DET1: variants seen among roughly 807,000 people sequenced by gnomAD.
The protein encoded by DET1 is DET1 partner of COP1 E3 ubiquitin ligase.
A neutral mutation model predicts 43.7 loss-of-function variants in DET1; 22 were observed. The ratio of observed to expected loss-of-function variants is 0.50; its 90% confidence interval spans 0.36 to 0.72. The LOEUF is 0.72. Among genes scored for constraint, DET1 ranks in the 30% least tolerant of loss-of-function variants. The pLI is 0.00. For synonymous variants in DET1, 315 were observed against 266.2 expected, an observed-to-expected ratio of 1.18 and a Z score of -1.79; for missense variants, 713 against 713.3, an observed-to-expected ratio of 1.00 and a Z score of 0.00.
chr15:88,530,923 A>G lies in DET1; in HGVS notation c.783T>C (p.Tyr261=), dbSNP rs199655221. The change falls in exon 2 of 5, where the codon TAT becomes TAC. Residue 261 remains tyrosine (Y), a synonymous_variant. Transcript: ENST00000268148. ...CTGACACAGTGAGCAGGTCATCCTC[A>G]TAGCAAAAGCGGCCAATGGTCCGCA... ...IDVRTIGRFC[Y]EDDLLTVSAV... 30 of 1,614,032 alleles carry G rather than the reference A, an allele frequency of 1.9e-5. No individual in the cohort carries two copies. In the African/African-American group the frequency reaches 3.3e-4, roughly 18 times the overall value.
chr15:88,527,503 G>T, intron 3 of DET1, 96 bp downstream of exon 3: 1 of 1,167,830 alleles, frequency 8.6e-7, no homozygotes, highest in South Asian at 1.8e-5. Context: ...AAGCTATGTG[G>T]ACAGACAGAA....
At chr15:88,522,331 G>C (rs2056512872) in intron 3 of DET1, among the ~76,000 whole-genome samples, 1 of 151,772 alleles carries the variant, frequency 6.6e-6, no homozygotes, top group Non-Finnish European at 1.5e-5. Context: ...GTTCTCCACT[G>C]CTTCTTCAGG....
At position 88,512,488 on chromosome 15, in the gene DET1, T is replaced by C. The variant is rs930416868; in HGVS notation, c.*463A>G. The C allele has an allele frequency of 1.3e-5, 13 of 986,874 alleles. No homozygotes were observed. The African/African-American group carries it at 2.1e-4, about 16-fold the overall frequency. The allele number at this position is 986,874 out of a possible 1,614,324, so 61.1% of individuals were successfully genotyped here. On this transcript the variant is annotated 3_prime_UTR_variant, in exon 5 of 5. Coordinates refer to ENST00000268148, the MANE Select transcript of DET1 (RefSeq NM_001144074.3). ...TCATCCAACCACATATATTTAAGTA[T>C]GAAAATACCATGGCTTTATTTTTCT...
At chr15:88,510,807 C>T (rs1451018597), downstream of DET1, among the ~76,000 whole-genome samples, 1 of 150,108 alleles carries the variant, frequency 6.7e-6, no homozygotes, top group Non-Finnish European at 1.5e-5. Context: ...GGCTCTGTCC[C>T]CCAGGCTGGC....
chr15:88,508,008 G>A (rs929549458), downstream of DET1, among the ~76,000 whole-genome samples: 2 of 151,280 alleles, frequency 1.3e-5, no homozygotes, highest in East Asian at 2.0e-4. Flanking sequence ...ATTCTCATAA[G>A]AGCGCAAACC....
chr15:88,528,273 T>C (rs1333179448), intron 2 of DET1, among the ~76,000 whole-genome samples: 11 of 152,254 alleles, frequency 7.2e-5, no homozygotes, highest in Non-Finnish European at 1.5e-4. Flanking sequence ...TTATTTTCTC[T>C]TGTAAGTGTA....
intron 3 of DET1, among the ~76,000 whole-genome samples, chr15:88,523,092 T>C (rs1598326572): frequency 1.3e-5 from 2 of 151,802 alleles, no homozygotes. Flanking sequence ...CCCAGGCTGG[T>C]CTTGAACTCC....
chr15:88,538,841 C>G (rs1415780376), intron 1 of DET1, among the ~76,000 whole-genome samples: 1 of 152,212 alleles, frequency 6.6e-6, no homozygotes, highest in African/African-American at 2.4e-5. Flanking sequence ...GAGTCCTCAG[C>G]TTCTCACCCC....
intron 3 of DET1, among the ~76,000 whole-genome samples, chr15:88,523,020 C>T (rs1396623436): frequency 1.3e-5 from 2 of 151,704 alleles, no homozygotes; most frequent in Admixed American, 6.6e-5. Flanking sequence ...GTAGCTGAGC[C>T]GACAGGCGCA....
In DET1 at chr15:88,504,494, T is replaced by C. The variant is rs760709494; in HGVS notation, c.*2066-507A>G. ...CTTATTGCTTGGAATCATTTTTATA[T>C]TATATTAACCATGCCTTTTGTTTTC... On this transcript the variant is annotated intron_variant and NMD_transcript_variant, in intron 7 of 8. Coordinates refer to the DET1 transcript ENST00000557842. The surrounding 1 kb of genome is among the most constrained non-coding windows in gnomAD (Gnocchi z 4.7). The C allele has an allele frequency of 5.9e-5, 9 of 152,186 alleles. No individual in the cohort carries two copies. Among genetic ancestry groups the C allele is most frequent in the African/African-American group, 9.7e-5 (4 of 41,448 alleles). The allele number at this position is 152,186 out of a possible 1,614,324, so 9.4% of individuals were successfully genotyped here. A position where few individuals can be genotyped will look rare whatever the true frequency, so the allele number is the denominator to read the frequency against.
chr15:88,517,018 A>C, intron 3 of DET1, 45 bp from the exon 4 acceptor site: 1 of 1,413,084 alleles, frequency 7.1e-7, no homozygotes, highest in Non-Finnish European at 9.5e-7. Flanking sequence ...GTGAGTACAC[A>C]AAGCTGTCTT....
intron 3 of DET1, among the ~76,000 whole-genome samples, chr15:88,526,664 G>C (rs1017266775): frequency 3.9e-5 from 6 of 152,220 alleles, no homozygotes; most frequent in Non-Finnish European, 7.3e-5. Flanking sequence ...CTACCCTTCA[G>C]TATGTCAACT....
In DET1 at chr15:88,504,972, T is replaced by C. The variant is rs1320273884; in HGVS notation, c.*2066-985A>G. The C allele has an allele frequency of 6.6e-6, 1 of 152,240 alleles. No individual in the cohort carries two copies. The highest frequency in any genetic ancestry group is 2.4e-5 in the African/African-American group (1 of 41,462). The allele number at this position is 152,240 out of a possible 1,614,324, so 9.4% of individuals were successfully genotyped here. ...TTCTTCATGACAGTCATTTCGCGTG[T>C]GCCTTCCCATAGTTGATTAAGACAA... On this transcript the variant is annotated intron_variant and NMD_transcript_variant, in intron 7 of 8. Coordinates refer to the DET1 transcript ENST00000557842. This position sits in a 1 kb window ranked among gnomAD's most constrained non-coding sequence, Gnocchi z 4.7.
chr15:88,510,368 G>T (rs1336131616), downstream of DET1, among the ~76,000 whole-genome samples: 1 of 152,180 alleles, frequency 6.6e-6, no homozygotes, highest in African/African-American at 2.4e-5. Flanking sequence ...ATTGGGACCT[G>T]AGTGACTTCA....
chr15:88,546,577 G>C lies in DET1; in HGVS notation c.-48C>G, dbSNP rs896297773. On this transcript the variant is annotated 5_prime_UTR_variant, in exon 1 of 5. Coordinates refer to ENST00000268148, the MANE Select transcript of DET1 (RefSeq NM_001144074.3). ...GGCTCAAAGAGCCAGGGCGAGGGAT[G>C]CCCCAGCCTGTTCTGTGCGCGCCTC... The C allele has an allele frequency of 2.0e-5, 3 of 152,444 alleles. No homozygotes were observed. Among genetic ancestry groups the C allele is most frequent in the African/African-American group, 4.8e-5 (2 of 41,476 alleles). The allele number at this position is 152,444 out of a possible 1,614,324, so 9.4% of individuals were successfully genotyped here.
Position 88,536,770 on chromosome 15 carries a change from CAAA to C in DET1, c.-10-5058_-10-5056del, listed in dbSNP as rs58177778. Among the ~76,000 whole-genome samples, 29 of 48,066 alleles carry C rather than the reference CAAA, an allele frequency of 6.0e-4. 1 individual carries two copies. The South Asian group carries it at 0.011, about 17-fold the overall frequency. 31.5% of individuals were successfully genotyped at this position (48,066 alleles called of 152,430 possible). On this transcript the variant is annotated intron_variant, in intron 1 of 4. Coordinates refer to ENST00000268148, the MANE Select transcript of DET1 (RefSeq NM_001144074.3). ...TGGGCAACAGAGCAAGACTCCATCTCAAAAAAAAAAAAAAAAAAAGGAACAAAC... is the reference window on the plus strand; with the variant it reads ...TGGGCAACAGAGCAAGACTCCATCTCAAAAAAAAAAAAAAAAGGAACAAAC...
intron 1 of DET1, among the ~76,000 whole-genome samples, chr15:88,538,319 C>G (rs1447362297): frequency 6.6e-6 from 1 of 150,922 alleles, no homozygotes; most frequent in Non-Finnish European, 1.5e-5. Flanking sequence ...AAGCTATATC[C>G]ACAGTCCCCA....
intron 1 of DET1, among the ~76,000 whole-genome samples, chr15:88,541,130 C>T (rs1234079646): frequency 4.6e-5 from 5 of 109,466 alleles, no homozygotes; most frequent in Non-Finnish European, 7.1e-5. Flanking sequence ...GAAAAACCGC[C>T]TTAGGGCTGG....
chr15:88,532,040 A>G, intron 1 of DET1: 1 of 194,850 alleles, frequency 5.1e-6, no homozygotes, highest in Non-Finnish European at 1.1e-5. Flanking sequence ...AGTGGCTCAC[A>G]CCTGTAATCC....
Sources: allele counts gnomAD v4.1 joint callset (sites outside exome capture counted in the v4.1 genomes callset), GRCh38; gene constraint gnomAD v4.1.1; non-coding constraint Gnocchi (gnomAD v3.1); transcripts MANE v1.5; gene names NCBI Gene and HGNC (gene_info 2026-07-23, HGNC 2026-07-21).